Variants in ADGRG1 observed in about 807,000 individuals in gnomAD.
ADGRG1 encodes 7-transmembrane protein with no EGF-like N-terminal domains-1.
Under a neutral mutation model 73.5 loss-of-function variants are expected in ADGRG1, and 53 were observed. That is an observed-to-expected ratio of 0.72 (90% CI 0.58 to 0.91). The LOEUF is 0.91. Among genes scored for constraint, ADGRG1 ranks in the 40% least tolerant of loss-of-function variants. ADGRG1 has a pLI of 0.00. For missense variants in ADGRG1, 795 were observed against 871.8 expected, an observed-to-expected ratio of 0.91 and a Z score of 1.11; for synonymous variants, 394 against 374.4, an observed-to-expected ratio of 1.05 and a Z score of -0.60.
At chr16:57,632,506 C>T (rs553037959) in intron 1 of ADGRG1, among the ~76,000 whole-genome samples, 1 of 152,236 alleles carries the variant, frequency 6.6e-6, no homozygotes, top group Non-Finnish European at 1.5e-5. Flanking sequence ...TTTTTAATAC[C>T]TCTCCCATTG....
intron 10 of ADGRG1, 116 bp from the exon 11 acceptor site, chr16:57,659,297 A>C: frequency 6.3e-7 from 1 of 1,581,660 alleles, no homozygotes; most frequent in Non-Finnish European, 8.5e-7. Flanking sequence ...GCCATGTATG[A>C]CTGCATGTGT....
At chr16:57,635,731 C>G (rs75981423) in intron 1 of ADGRG1, 2 of 985,270 alleles carry the variant, frequency 2.0e-6, no homozygotes, top group Non-Finnish European at 2.4e-6. Flanking sequence ...GCTGCCGACT[C>G]TCCATGTCGT....
chr16:57,636,246 G>GA (rs2039338507), intron 1 of ADGRG1: 4 of 985,286 alleles, frequency 4.1e-6, no homozygotes, highest in Admixed American at 6.1e-5. Context: ...AATGTAGAGA[G>GA]AAAATCCAAG....
intron 9 of ADGRG1, among the ~76,000 whole-genome samples, chr16:57,656,842 C>T (rs1047206667): frequency 8.5e-5 from 13 of 152,230 alleles, no homozygotes; most frequent in Admixed American, 5.2e-4. Context: ...AGAGCCCCTG[C>T]TCTTTATTCC....
chr16:57,636,090 C>T (rs1293419604), intron 1 of ADGRG1: 14 of 985,248 alleles, frequency 1.4e-5, no homozygotes, highest in Non-Finnish European at 1.7e-5. Context: ...CCTTGGAGAG[C>T]CCATGGGGAG....
At position 57,629,058 on chromosome 16, in the gene ADGRG1, ATGAGTG is replaced by A. The variant is rs200758670; in HGVS notation, c.-36+271_-36+276del. 8.2e-4 allele frequency: 400 copies of A among 484,958 alleles called. 2 individuals carry two copies. The East Asian group carries it at 0.015, about 18-fold the overall frequency. 30.0% of individuals were successfully genotyped at this position (484,958 alleles called of 1,614,324 possible). ...AGAGTGTGAGTGAGTGTGTGTGAGTATGAGTGTGAGTGTGAGTGTGGGAGTGTATGT... is the reference window on the plus strand; with the variant it reads ...AGAGTGTGAGTGAGTGTGTGTGAGTATGAGTGTGAGTGTGGGAGTGTATGT... On this transcript the variant is annotated intron_variant, in intron 1 of 13. Transcript: ENST00000562631.
At chr16:57,626,975 G>A (rs1447424843), upstream of ADGRG1, 1 of 985,456 alleles carries the variant, frequency 1.0e-6, no homozygotes, top group Admixed American at 6.1e-5. Flanking sequence ...CCGGGAGAGA[G>A]CAGAGGGTAT....
intron 1 of ADGRG1, among the ~76,000 whole-genome samples, chr16:57,644,617 T>G (rs1482003108): frequency 7.5e-6 from 1 of 132,646 alleles, no homozygotes; most frequent in Non-Finnish European, 1.6e-5. Flanking sequence ...CACACACCCA[T>G]GCGCACACAC....
intron 1 of ADGRG1, chr16:57,639,992 G>A (rs1270250226): frequency 3.3e-5 from 10 of 302,274 alleles, no homozygotes; most frequent in East Asian, 1.7e-4. Context: ...CTCCACACCC[G>A]TCCCTGCAGC....
chr16:57,628,506 T>C (rs2036352303), upstream of ADGRG1: 6 of 985,504 alleles, frequency 6.1e-6, no homozygotes, highest in African/African-American at 1.7e-5. Context: ...GGTCTCCCTC[T>C]GAGAAATCCA....
At chr16:57,623,386 C>T (rs1479400109), upstream of ADGRG1, among the ~76,000 whole-genome samples, 1 of 152,218 alleles carries the variant, frequency 6.6e-6, no homozygotes. Context: ...CCTGCCGAGG[C>T]TCCACTCACC....
In ADGRG1 at chr16:57,652,873, G is replaced by T. The variant is rs549990790; in HGVS notation, c.488-330G>T. 1.6e-4 allele frequency: 186 copies of T among 1,177,484 alleles called. 2 individuals carry two copies. The Middle Eastern group carries it at 5.9e-3, about 38-fold the overall frequency. The allele number at this position is 1,177,484 out of a possible 1,614,324, so 72.9% of individuals were successfully genotyped here. ...GTCCCAGGAACCACCACCAAGCCCC[G>T]CACATCCCTCCTAAGGAGGCCTGGC... On this transcript the variant is annotated intron_variant, in intron 3 of 13. Transcript: ENST00000562631.
intron 1 of ADGRG1, chr16:57,646,560 C>T: frequency 4.1e-6 from 4 of 985,440 alleles, no homozygotes; most frequent in Non-Finnish European, 4.8e-6. Context: ...TGGGCCTCAG[C>T]CCCAGCACCC....
chr16:57,660,467 A>G (rs2046817666), intron 11 of ADGRG1: 1 of 850,530 alleles, frequency 1.2e-6, no homozygotes, highest in Non-Finnish European at 1.4e-6. Flanking sequence ...TGCCCCTCCC[A>G]TCTCCCCTGT....
chr16:57,663,155 C>A, intron 13 of ADGRG1: 1 of 894,504 alleles, frequency 1.1e-6, no homozygotes, highest in Non-Finnish European at 1.3e-6. Context: ...TGAGCCCTGG[C>A]TCAGCCACGT....
At chr16:57,624,149 G>A, upstream of ADGRG1, 1 of 963,168 alleles carries the variant, frequency 1.0e-6, no homozygotes, top group Non-Finnish European at 1.2e-6. Context: ...TGATTTATAT[G>A]GTCACTCAGC....
chr16:57,633,300 C>T (rs1232187840), intron 1 of ADGRG1: 3 of 983,138 alleles, frequency 3.1e-6, no homozygotes, highest in African/African-American at 3.5e-5. Flanking sequence ...GTCATGGGCT[C>T]ATTGACTTAG....
intron 1 of ADGRG1, chr16:57,648,495 G>A: frequency 2.1e-6 from 2 of 969,882 alleles, no homozygotes; most frequent in Non-Finnish European, 2.5e-6. Context: ...TCCACATGGT[G>A]GGACGCAGGG....
Position 57,628,921 on chromosome 16 carries a change from A to C in ADGRG1, c.-36+119A>C, listed in dbSNP as rs1375551442. On this transcript the variant is annotated intron_variant, in intron 1 of 13. Coordinates refer to ENST00000562631, the MANE Select transcript of ADGRG1 (RefSeq NM_201525.4). Reference sequence around the variant, plus strand: ...GTGTGAGTGTGAGTGTGTGAGAGTGAGTGTGAGTGTGAGTGTGAGCGTGAG... The same window carrying C: ...GTGTGAGTGTGAGTGTGTGAGAGTGCGTGTGAGTGTGAGTGTGAGCGTGAG... 4.5e-5 allele frequency: 29 copies of C among 645,476 alleles called. 3 individuals are homozygous for C. Among genetic ancestry groups the C allele is most frequent in the Non-Finnish European group, 5.0e-5 (28 of 563,500 alleles). 40.0% of individuals were successfully genotyped at this position (645,476 alleles called of 1,614,324 possible).
Sources: gnomAD v4.1 joint callset for allele counts (sites outside exome capture counted in the v4.1 genomes callset) on GRCh38, gnomAD v4.1.1 for gene constraint, MANE v1.5 for transcripts, NCBI Gene and HGNC (gene_info 2026-07-23, HGNC 2026-07-21) for gene names.